Variants in NCAM1 observed in about 807,000 individuals in gnomAD.
NCAM1 encodes the protein neural cell adhesion molecule 1, also known as antigen recognized by monoclonal antibody 5.1H11.
NCAM1 carries 14 observed loss-of-function variants against 109.8 expected under a neutral mutation model. That is an observed-to-expected ratio of 0.13 (90% confidence interval 0.08 to 0.20). NCAM1 has a LOEUF of 0.20. NCAM1 is among the 10% of genes least tolerant of loss of function. The pLI is 1.00. For missense variants in NCAM1, 774 were observed against 1,109.9 expected, an observed-to-expected ratio of 0.70 and a Z score of 4.30; for synonymous variants, 418 against 442.9, an observed-to-expected ratio of 0.94 and a Z score of 0.70.
At chr11:113,084,518 A>G (rs1281425930) in intron 1 of NCAM1, among the ~76,000 whole-genome samples, 1 of 152,196 alleles carries the variant, frequency 6.6e-6, no homozygotes, top group Non-Finnish European at 1.5e-5. Flanking sequence ...CTTTAGTGTC[A>G]TAGTTTGATT....
chr11:113,262,942 A>G, intron 17 of NCAM1: 2 of 1,612,314 alleles, frequency 1.2e-6, no homozygotes, highest in Non-Finnish European at 1.7e-6. Context: ...GAACACAAAA[A>G]TTAAATTTGC....
At chr11:113,271,053 A>G (rs1428385520) in intron 18 of NCAM1, among the ~76,000 whole-genome samples, 16 of 152,312 alleles carry the variant, frequency 1.1e-4, no homozygotes, top group Middle Eastern at 3.4e-3. Context: ...GGCACTGTAT[A>G]TGCATATACA....
At chr11:112,974,987 A>G (rs1950970418) in intron 1 of NCAM1, among the ~76,000 whole-genome samples, 1 of 151,978 alleles carries the variant, frequency 6.6e-6, no homozygotes. Flanking sequence ...GAAGTCTTTT[A>G]TCTTGCACGT....
At position 112,999,378 on chromosome 11, in the gene NCAM1, G is replaced by A. The variant is rs150618610; in HGVS notation, c.52+37714G>A. Among the ~76,000 whole-genome samples, 177 of 152,076 alleles carry A rather than the reference G, an allele frequency of 1.2e-3. 1 individual carries two copies. Among genetic ancestry groups the A allele is most frequent in the African/African-American group, 4.1e-3 (171 of 41,472 alleles). ...ATAAAAGTGCCACTGAAACATATCA[G>A]TAAAGTTAAAAGATGGTTCATGTTT... is the stretch of plus-strand genomic sequence containing the variant. On this transcript the variant is annotated intron_variant, in intron 1 of 19. Transcript: ENST00000316851.
chr11:113,028,652 A>C (rs1001161716), intron 1 of NCAM1, among the ~76,000 whole-genome samples: 2 of 152,216 alleles, frequency 1.3e-5, no homozygotes, highest in Non-Finnish European at 2.9e-5. Context: ...CAAACAGTGT[A>C]TATGCACATT....
chr11:112,978,936 G>C (rs1951077411), intron 1 of NCAM1, among the ~76,000 whole-genome samples: 2 of 151,764 alleles, frequency 1.3e-5, no homozygotes, highest in Non-Finnish European at 2.9e-5. Context: ...AAACCATTTG[G>C]CTTAGATATA....
At chr11:113,121,901 T>C (rs1332442443) in intron 1 of NCAM1, among the ~76,000 whole-genome samples, 18 of 152,206 alleles carry the variant, frequency 1.2e-4, no homozygotes, top group Admixed American at 1.2e-3. Flanking sequence ...GTAAAGCAGA[T>C]CTTAAATTCT....
chr11:113,123,042 C>T (rs1353467422), intron 1 of NCAM1, among the ~76,000 whole-genome samples: 1 of 151,966 alleles, frequency 6.6e-6, no homozygotes, highest in Admixed American at 6.6e-5. Context: ...ATGATGGTTA[C>T]CAGAGGCAGG....
chr11:113,226,947 T>G (rs1291369212), intron 9 of NCAM1, among the ~76,000 whole-genome samples: 2 of 152,112 alleles, frequency 1.3e-5, no homozygotes, highest in African/African-American at 2.4e-5. Flanking sequence ...AGAGGGAAAT[T>G]TATAGCACTA....
At chr11:113,021,530 A>T (rs1952384828) in intron 1 of NCAM1, among the ~76,000 whole-genome samples, 1 of 152,218 alleles carries the variant, frequency 6.6e-6, no homozygotes, top group South Asian at 2.1e-4. Context: ...TCCTTCCTAA[A>T]TCTCAGAGAC....
chr11:113,155,967 CA>C lies in NCAM1; in HGVS notation c.53-46408del, dbSNP rs375016630. On this transcript the variant is annotated intron_variant, in intron 1 of 19. Transcript: ENST00000316851. The stretch of plus-strand genomic sequence containing the variant: ...AGTCACACTGTGACAAAGGTGTGCA[CA>C]AAAGATTGGTGGAGGGAAAGAGGAG... Among the ~76,000 whole-genome samples the C allele has an allele frequency of 2.1e-4, 32 of 152,190 alleles. No individual in the cohort carries two copies. The East Asian group carries it at 4.8e-3, about 23-fold the overall frequency.
chr11:113,136,723 G>A (rs1183375666), intron 1 of NCAM1, among the ~76,000 whole-genome samples: 2 of 152,162 alleles, frequency 1.3e-5, no homozygotes, highest in Non-Finnish European at 2.9e-5. Context: ...ATTGGCTTGA[G>A]GGGTTTAGGA....
chr11:113,236,265 T>C, intron 14 of NCAM1: 2 of 1,612,448 alleles, frequency 1.2e-6, no homozygotes, highest in Non-Finnish European at 1.7e-6. Flanking sequence ...CTCTTGTTTT[T>C]TCTTTTCGTC....
At chr11:113,020,394 G>A (rs1249101933) in intron 1 of NCAM1, among the ~76,000 whole-genome samples, 7 of 152,106 alleles carry the variant, frequency 4.6e-5, no homozygotes, top group Admixed American at 2.6e-4. Context: ...GCTCACCCCT[G>A]AGTGTTGCAT....
intron 1 of NCAM1, among the ~76,000 whole-genome samples, chr11:113,127,576 C>T (rs1941227784): frequency 6.6e-6 from 1 of 152,130 alleles, no homozygotes; most frequent in Non-Finnish European, 1.5e-5. Context: ...ACCCCCATTG[C>T]TTTTAGCAAA....
At chr11:113,111,790 T>A (rs534367858) in intron 1 of NCAM1, among the ~76,000 whole-genome samples, 4 of 152,188 alleles carry the variant, frequency 2.6e-5, no homozygotes, top group Non-Finnish European at 5.9e-5. Flanking sequence ...AAAGAGAGAC[T>A]CTGTCTTGTA....
intron 1 of NCAM1, among the ~76,000 whole-genome samples, chr11:113,012,927 G>A (rs11214455): frequency 0.01 from 1,526 of 152,078 alleles, 24 homozygotes; most frequent in African/African-American, 0.034. Flanking sequence ...AAGTATTTAG[G>A]GGAAAAGGAT....
At chr11:113,174,513 T>A (rs1943089652) in intron 1 of NCAM1, among the ~76,000 whole-genome samples, 1 of 152,240 alleles carries the variant, frequency 6.6e-6, no homozygotes, top group African/African-American at 2.4e-5. Flanking sequence ...CTGTGACTCC[T>A]GGAATAGGGG....
At chr11:113,097,736 A>G (rs1417304988) in intron 1 of NCAM1, among the ~76,000 whole-genome samples, 5 of 152,134 alleles carry the variant, frequency 3.3e-5, no homozygotes, top group Non-Finnish European at 4.4e-5. Context: ...GTCAAAATAA[A>G]TTGACTTATC....
Sources: gnomAD v4.1 joint callset for allele counts (sites outside exome capture counted in the v4.1 genomes callset) on GRCh38, gnomAD v4.1.1 for gene constraint, MANE v1.5 for transcripts, NCBI Gene and HGNC (gene_info 2026-07-23, HGNC 2026-07-21) for gene names.